The following TRMT9B variants were observed in gnomAD, a reference collection of about 807,000 sequenced individuals.
TRMT9B encodes tRNA methyltransferase 9B (putative), also known as probable tRNA methyltransferase 9B.
TRMT9B carries 16 observed loss-of-function variants against 11.5 expected under a neutral mutation model. The ratio of observed to expected loss-of-function variants is 1.39; its 90% CI spans 0.94 to 2.11. The LOEUF (loss-of-function observed/expected upper bound fraction) is 2.11. Among genes scored for constraint, TRMT9B ranks in the 30% most tolerant of loss-of-function variants. The pLI, the probability that TRMT9B is intolerant of heterozygous loss-of-function variation, is 0.00. For synonymous variants in TRMT9B, 274 were observed against 192.4 expected (o/e 1.42, Z -3.51); for missense variants, 941 against 553.8 (o/e 1.70, Z -7.02).
intron 1 of TRMT9B, among the ~76,000 whole-genome samples, chr8:12,971,996 G>T (rs746588051): frequency 6.6e-6 from 1 of 152,144 alleles, no homozygotes; most frequent in African/African-American, 2.4e-5. Context: ...ATACTGAAAA[G>T]AAACTCTTTA....
intron 4 of TRMT9B, among the ~76,000 whole-genome samples, chr8:13,014,130 G>T (rs1026501152): frequency 2.4e-4 from 36 of 152,106 alleles, no homozygotes; most frequent in Non-Finnish European, 4.7e-4. Flanking sequence ...TATGCTGAGG[G>T]GAGGCAGACC....
chr8:12,950,539 TTC>T (rs997462343), intron 1 of TRMT9B, among the ~76,000 whole-genome samples: 4 of 147,906 alleles, frequency 2.7e-5, no homozygotes, highest in Non-Finnish European at 5.9e-5. Context: ...TCGTGGTTTT[TTC>T]TTTCTTTCTT....
chr8:13,003,382 G>T (rs1254616653), intron 2 of TRMT9B, among the ~76,000 whole-genome samples: 1 of 152,140 alleles, frequency 6.6e-6, no homozygotes, highest in African/African-American at 2.4e-5. Flanking sequence ...ACCTGCTCTT[G>T]TGCTTTTCTT....
chr8:12,987,573 C>G (rs933797503), intron 1 of TRMT9B, among the ~76,000 whole-genome samples: 1 of 151,934 alleles, frequency 6.6e-6, no homozygotes, highest in Admixed American at 6.6e-5. Context: ...GCCTATAGTC[C>G]CAGATACTTG....
rs562683026 is a variant in TRMT9B at position 12,973,166 on chromosome 8, G to A, written c.-199-17668G>A. Among the ~76,000 whole-genome samples, 6 of 152,298 alleles carry A rather than the reference G, an allele frequency of 3.9e-5. No individual in the cohort carries two copies. The East Asian group carries it at 9.7e-4, about 25-fold the overall frequency. On this transcript the variant is annotated intron_variant, in intron 1 of 4. Coordinates refer to ENST00000524591, the MANE Select transcript of TRMT9B (RefSeq NM_020844.3). ...CGTGTTTGTGGCATGTGTCAGAATT[G>A]CATTGCTTTTTAAGGCTGAATAATA...
At chr8:12,950,122 G>T (rs1300652796) in intron 1 of TRMT9B, among the ~76,000 whole-genome samples, 1 of 152,100 alleles carries the variant, frequency 6.6e-6, no homozygotes, top group African/African-American at 2.4e-5. Context: ...CCAAACTGCT[G>T]GAATAACAGG....
chr8:13,019,636 G>A (rs547173339), intron 4 of TRMT9B, among the ~76,000 whole-genome samples: 2 of 152,296 alleles, frequency 1.3e-5, no homozygotes, highest in Non-Finnish European at 2.9e-5. Flanking sequence ...ATAAATGTGA[G>A]CATTAGCAGT....
At chr8:12,952,419 C>G (rs555665857) in intron 1 of TRMT9B, 70 of 310,152 alleles carry the variant, frequency 2.3e-4, no homozygotes, top group Non-Finnish European at 4.0e-4. Flanking sequence ...ACCTTGCAAA[C>G]AGCCTTGCAA....
At chr8:12,996,040 G>A (rs1808277347) in intron 2 of TRMT9B, among the ~76,000 whole-genome samples, 1 of 152,182 alleles carries the variant, frequency 6.6e-6, no homozygotes, top group African/African-American at 2.4e-5. Flanking sequence ...ATTAGAGAAT[G>A]AAGGTAAGCA....
intron 1 of TRMT9B, among the ~76,000 whole-genome samples, chr8:12,956,298 G>C (rs907862904): frequency 2.0e-5 from 3 of 152,068 alleles, no homozygotes; most frequent in South Asian, 2.1e-4. Context: ...TTTTAAAATT[G>C]GTAGAGATTG....
intron 1 of TRMT9B, among the ~76,000 whole-genome samples, chr8:12,966,947 A>G (rs1802900788): frequency 6.6e-6 from 1 of 152,168 alleles, no homozygotes; most frequent in Admixed American, 6.5e-5. Flanking sequence ...ACATTATGAG[A>G]TTATAATCCA....
chr8:13,010,127 G>C (rs1246224558), intron 3 of TRMT9B: 2 of 428,756 alleles, frequency 4.7e-6, no homozygotes, highest in East Asian at 1.6e-4. Flanking sequence ...GGCATAGTGA[G>C]ACCCTATCTG....
At chr8:12,970,946 G>C (rs1404101030) in intron 1 of TRMT9B, among the ~76,000 whole-genome samples, 1 of 152,170 alleles carries the variant, frequency 6.6e-6, no homozygotes, top group Non-Finnish European at 1.5e-5. Flanking sequence ...TCTTAAAAGA[G>C]GAGAGGCACT....
intron 2 of TRMT9B, among the ~76,000 whole-genome samples, chr8:13,000,817 G>C (rs1055187649): frequency 6.6e-6 from 1 of 152,210 alleles, no homozygotes; most frequent in Admixed American, 6.5e-5. Context: ...CCTGCCTTGG[G>C]AAAGGTGTGG....
At chr8:12,999,218 G>C (rs891995098) in intron 2 of TRMT9B, among the ~76,000 whole-genome samples, 2 of 149,376 alleles carry the variant, frequency 1.3e-5, no homozygotes, top group East Asian at 2.0e-4. Flanking sequence ...AGAATCGCTT[G>C]AACCTGGGAG....
intron 3 of TRMT9B, 92 bp from the exon 4 acceptor site, chr8:13,012,591 TA>T: frequency 2.1e-6 from 3 of 1,424,424 alleles, no homozygotes; most frequent in Non-Finnish European, 2.8e-6. Context: ...AATAAATAAA[TA>T]AAAGGTTAAT....
chr8:12,977,803 C>A (rs1804695488), intron 1 of TRMT9B, among the ~76,000 whole-genome samples: 1 of 151,904 alleles, frequency 6.6e-6, no homozygotes, highest in Non-Finnish European at 1.5e-5. Context: ...TGGCTTGAGG[C>A]CAGGAGTTCG....
intron 3 of TRMT9B, among the ~76,000 whole-genome samples, chr8:13,007,849 A>G (rs1047323034): frequency 7.9e-5 from 12 of 152,326 alleles, no homozygotes; most frequent in Non-Finnish European, 1.8e-4. Context: ...AGATTTAAGT[A>G]TAAGAAAATG....
chr8:13,028,144 C>A lies in TRMT9B; in HGVS notation c.*6100C>A, dbSNP rs1383545301. 1 of 167,074 alleles carries A rather than the reference C, an allele frequency of 6.0e-6. No individual in the cohort carries two copies. Among genetic ancestry groups the A allele is most frequent in the African/African-American group, 2.4e-5 (1 of 41,454 alleles). The allele number at this position is 167,074 out of a possible 1,614,324, so 10.3% of individuals were successfully genotyped here. ...ATGACACATTAACAGGGGTGTGAAT[C>A]ATTTCAGTTACATCACATACTCTGT... is the stretch of plus-strand genomic sequence containing the variant. On this transcript the variant is annotated 3_prime_UTR_variant, in exon 5 of 5. Coordinates refer to ENST00000524591, the MANE Select transcript of TRMT9B (RefSeq NM_020844.3).
Sources: allele counts gnomAD v4.1 joint callset (sites outside exome capture counted in the v4.1 genomes callset), GRCh38; gene constraint gnomAD v4.1.1; transcripts MANE v1.5; gene names NCBI Gene and HGNC (gene_info 2026-07-23, HGNC 2026-07-21).